Variants in OAS3 observed in about 807,000 individuals in gnomAD.
OAS3 encodes 2'-5'-oligoadenylate synthetase 3.
OAS3 carries 107 observed loss-of-function variants against 113.0 expected under a neutral mutation model. That is an observed-to-expected ratio of 0.95 (90% CI 0.81 to 1.11). The LOEUF is 1.11. Among genes scored for constraint, OAS3 ranks in the 50% most tolerant of loss-of-function variants. The pLI is 0.00. For synonymous variants in OAS3, 552 were observed against 573.6 expected, an observed-to-expected ratio of 0.96 and a Z score of 0.54; for missense variants, 1,258 against 1,389.1, an observed-to-expected ratio of 0.91 and a Z score of 1.50.
In OAS3 at chr12:112,954,747, G is replaced by C. The variant is rs976795613; in HGVS notation, c.1657+3772G>C. Reference sequence around the variant, plus strand: ...GTTACTGTAGTATAGTTTGAAGTCAGGTAGCGTGATGCCTCCAGCTTTGTT... The same window carrying C: ...GTTACTGTAGTATAGTTTGAAGTCACGTAGCGTGATGCCTCCAGCTTTGTT... On this transcript the variant is annotated intron_variant, in intron 7 of 15. Transcript: ENST00000228928. The surrounding 1 kb of genome is among the most constrained non-coding windows in gnomAD (Gnocchi z 4.0). Among the ~76,000 whole-genome samples the C allele has an allele frequency of 6.6e-6, 1 of 152,174 alleles. No homozygotes were observed. Among genetic ancestry groups the C allele is most frequent in the African/African-American group, 2.4e-5 (1 of 41,442 alleles).
intron 7 of OAS3, among the ~76,000 whole-genome samples, chr12:112,959,018 GT>G (rs1208348041): frequency 6.6e-6 from 1 of 152,194 alleles, no homozygotes; most frequent in Non-Finnish European, 1.5e-5. Context: ...CAGCCACTTT[GT>G]TTACCTACTC....
intron 11 of OAS3, 67 bp downstream of exon 11, chr12:112,964,475 C>T: frequency 1.3e-6 from 2 of 1,512,836 alleles, no homozygotes; most frequent in Non-Finnish European, 9.0e-7. Flanking sequence ...AGCCCAGGGC[C>T]AGGCTTGACC....
rs569971731 is a variant in OAS3, at chr12:112,959,843, TTCTC to T, written c.1658-1224_1658-1221del. On this transcript the variant is annotated intron_variant, in intron 7 of 15. Coordinates refer to ENST00000228928, the MANE Select transcript of OAS3 (RefSeq NM_006187.4). ...ACTTTTTCACCTCTAAAAGTTATGT[TTCTC>T]TCTTTCTTAAATCAATCAGTTATTT... is the stretch of plus-strand genomic sequence containing the variant. Among the ~76,000 whole-genome samples, 12 of 152,286 alleles carry T rather than the reference TTCTC, an allele frequency of 7.9e-5. No homozygotes were observed. In the East Asian group the frequency reaches 1.5e-3, roughly 20 times the overall value.
chr12:112,949,242 T>TC, intron 6 of OAS3, 37 bp downstream of exon 6: 1 of 1,568,702 alleles, frequency 6.4e-7, no homozygotes, highest in South Asian at 1.1e-5. Context: ...GGGGACCCTA[T>TC]CGAGGGATCA....
At chr12:112,960,175 T>C (rs2043869953) in intron 7 of OAS3, among the ~76,000 whole-genome samples, 1 of 152,182 alleles carries the variant, frequency 6.6e-6, no homozygotes, top group South Asian at 2.1e-4. Flanking sequence ...AGTTTTCACT[T>C]CATTTCTACC....
rs990667577 is a variant in OAS3, at chr12:112,963,534, C to T, written c.2229+77C>T. The T allele has an allele frequency of 3.0e-6, 4 of 1,345,710 alleles. No individual in the cohort carries two copies. The highest frequency in any genetic ancestry group is 3.3e-5 in the Admixed American group (1 of 30,104). 83.4% of individuals were successfully genotyped at this position (1,345,710 alleles called of 1,614,324 possible). A position where few individuals can be genotyped will look rare whatever the true frequency, so the allele number is the denominator to read the frequency against. On this transcript the variant is annotated intron_variant, in intron 10 of 15. Transcript: ENST00000228928. The surrounding 1 kb of genome is among the most constrained non-coding windows in gnomAD (Gnocchi z 4.6). Reference sequence around the variant, plus strand: ...CAGGTTCCCTTAACCTGCCGGTGCACCCATCCCCAGCTGCTAGGAGTGTTG... The same window carrying T: ...CAGGTTCCCTTAACCTGCCGGTGCATCCATCCCCAGCTGCTAGGAGTGTTG...
At chr12:112,959,669 C>G (rs1159182392) in intron 7 of OAS3, among the ~76,000 whole-genome samples, 1 of 152,130 alleles carries the variant, frequency 6.6e-6, no homozygotes, top group Non-Finnish European at 1.5e-5. Flanking sequence ...TCTCATCCTC[C>G]ATGGCTTTTC....
rs114256128 is a variant in OAS3, at chr12:112,960,042, T to G, written c.1658-1029T>G. Among the ~76,000 whole-genome samples, 1,454 of 152,268 alleles carry G rather than the reference T, an allele frequency of 9.5e-3. 37 individuals are homozygous for G. The highest frequency in any genetic ancestry group is 0.033 in the African/African-American group (1,376 of 41,516). ...CTCTCCCTCATGGTCAATCATTTCC[T>G]CATATAGTTTGTAATTTTTTATTGT... On this transcript the variant is annotated intron_variant, in intron 7 of 15. Coordinates refer to ENST00000228928, the MANE Select transcript of OAS3 (RefSeq NM_006187.4).
chr12:112,960,801 G>T (rs1017334007), intron 7 of OAS3, among the ~76,000 whole-genome samples: 5 of 152,002 alleles, frequency 3.3e-5, no homozygotes, highest in African/African-American at 1.2e-4. Context: ...TCAGCTTTCA[G>T]GGAAAATTTA....
At chr12:112,966,651 T>C (rs1293995423) in intron 12 of OAS3, among the ~76,000 whole-genome samples, 1 of 152,080 alleles carries the variant, frequency 6.6e-6, no homozygotes, top group Non-Finnish European at 1.5e-5. Flanking sequence ...ATGCAGAATT[T>C]TTTTTTAAGA....
Position 112,950,923 on chromosome 12 carries a change from A to G in OAS3, c.1605A>G (p.Thr535=), listed in dbSNP as rs1402898852. The change falls in exon 7 of 16, where the codon ACA becomes ACG. Residue 535 remains threonine, a synonymous_variant. Transcript: ENST00000228928. ...PEALQFQLVS[T]ALKSWTDVSL... ...CTCTGCAGTTCCAGCTGGTGTCCAC[A>G]GCCCTGAAGAGCTGGACGGATGTTA... The G allele has an allele frequency of 9.9e-6, 16 of 1,613,884 alleles. No homozygotes were observed. Among genetic ancestry groups the G allele is most frequent in the Non-Finnish European group, 1.4e-5 (16 of 1,179,896 alleles).
intron 1 of OAS3, among the ~76,000 whole-genome samples, chr12:112,939,942 G>A (rs1309134641): frequency 1.3e-5 from 2 of 152,126 alleles, no homozygotes; most frequent in African/African-American, 4.8e-5. Context: ...GACACTTGTC[G>A]CCTAGGAGGT....
chr12:112,948,762 C>A, intron 5 of OAS3, 99 bp from the exon 6 acceptor site: 1 of 932,818 alleles, frequency 1.1e-6, no homozygotes, highest in Non-Finnish European at 1.6e-6. Flanking sequence ...GCCTCAGTCA[C>A]CCTGACTGTA....
rs1017592737 is a variant in OAS3, at chr12:112,973,251, A to G, written c.*3278A>G. 6.6e-6 allele frequency: 1 copy of G among 152,182 alleles called. No homozygotes were observed. Among genetic ancestry groups the G allele is most frequent in the African/African-American group, 2.4e-5 (1 of 41,422 alleles). 9.4% of individuals were successfully genotyped at this position (152,182 alleles called of 1,614,324 possible). A position where few individuals can be genotyped will look rare whatever the true frequency, so the allele number is the denominator to read the frequency against. ...TTTCATATAAATGGCATCATACAATATGTGGCCTTTTGTGTCTGGCTTCTT... is the reference window on the plus strand; with the variant it reads ...TTTCATATAAATGGCATCATACAATGTGTGGCCTTTTGTGTCTGGCTTCTT... On this transcript the variant is annotated 3_prime_UTR_variant, in exon 16 of 16. Coordinates refer to ENST00000228928, the MANE Select transcript of OAS3 (RefSeq NM_006187.4).
intron 7 of OAS3, among the ~76,000 whole-genome samples, chr12:112,952,284 A>G (rs1331568100): frequency 6.6e-6 from 1 of 152,058 alleles, no homozygotes; most frequent in Non-Finnish European, 1.5e-5. Flanking sequence ...TTCATTTCTG[A>G]AAGTTATCTT....
chr12:112,949,119 T>G lies in OAS3; in HGVS notation c.1288T>G (p.Phe430Val). ...GGACCACCTGAAGCCGAGCCCCCAG[T>G]TCCAGGAGCAGGTGAAAAAGGCCAT... ...IQDHLKPSPQ[F>V]QEQVKKAIDI... The change falls in exon 6 of 16, where the codon TTC becomes GTC. Residue 430 changes from phenylalanine to valine, a missense_variant. Transcript: ENST00000228928. The G allele has an allele frequency of 6.2e-7, 1 of 1,613,952 alleles. No individual in the cohort carries two copies. The highest frequency in any genetic ancestry group is 8.5e-7 in the Non-Finnish European group (1 of 1,179,882).
intron 12 of OAS3, among the ~76,000 whole-genome samples, chr12:112,966,748 C>T (rs2043937428): frequency 6.6e-6 from 1 of 152,148 alleles, no homozygotes; most frequent in South Asian, 2.1e-4. Flanking sequence ...CTCAAGTGAT[C>T]CTCCAGCCCC....
rs139667743 is a variant in OAS3, at chr12:112,961,920, G to C, written c.1833+674G>C. ...AAGTAGTCCTCCTGCCTCAGCCCCC[G>C]TAGTAGCTAAGACTACAGGCATGCA... is the stretch of plus-strand genomic sequence containing the variant. On this transcript the variant is annotated intron_variant, in intron 8 of 15. Transcript: ENST00000228928. Among the ~76,000 whole-genome samples, 127 of 151,840 alleles carry C rather than the reference G, an allele frequency of 8.4e-4. 1 individual carries two copies. In the East Asian group the frequency reaches 0.021, roughly 25 times the overall value.
rs560137616 is a variant in OAS3, at chr12:112,954,364, C to T, written c.1657+3389C>T. ...GGAGTGCAGTGACGCGATCTCGGCT[C>T]ACTGCAAGCTCCACCTCCCAGGTTC... On this transcript the variant is annotated intron_variant, in intron 7 of 15. Coordinates refer to ENST00000228928, the MANE Select transcript of OAS3 (RefSeq NM_006187.4). This position sits in a 1 kb window ranked among gnomAD's most constrained non-coding sequence, Gnocchi z 4.0. Among the ~76,000 whole-genome samples, 11 of 152,114 alleles carry T rather than the reference C, an allele frequency of 7.2e-5. No individual in the cohort carries two copies. Among genetic ancestry groups the T allele is most frequent in the South Asian group, 4.1e-4 (2 of 4,822 alleles).
Sources: gnomAD v4.1 joint callset for allele counts (sites outside exome capture counted in the v4.1 genomes callset) on GRCh38, gnomAD v4.1.1 for gene constraint, Gnocchi (gnomAD v3.1) non-coding constraint, MANE v1.5 for transcripts, NCBI Gene and HGNC (gene_info 2026-07-23, HGNC 2026-07-21) for gene names.